The following GRB10 variants were observed in gnomAD, a reference collection of about 807,000 sequenced individuals.
GRB10 encodes growth factor receptor bound protein 10.
GRB10 carries 20 observed loss-of-function variants against 80.9 expected under a neutral mutation model. The observed-to-expected ratio is 0.25, with a 90% CI of 0.17 to 0.36. GRB10 has a LOEUF of 0.36. Ranked by LOEUF, GRB10 falls within the 10% of genes least tolerant of loss-of-function variation. GRB10 has a pLI of 1.00. For synonymous variants in GRB10, 291 were observed against 291.5 expected, an observed-to-expected ratio of 1.00 and a Z score of 0.02; for missense variants, 548 against 747.7, an observed-to-expected ratio of 0.73 and a Z score of 3.12.
At chr7:50,669,957 G>C in intron 6 of GRB10, 94 bp from the exon 7 acceptor site, 4 of 1,456,254 alleles carry the variant, frequency 2.7e-6, no homozygotes, top group Non-Finnish European at 2.8e-6. Context: ...GCAGGACACA[G>C]GGCTTCTAGG....
intron 7 of GRB10, among the ~76,000 whole-genome samples, chr7:50,665,948 T>C (rs75675767): frequency 6.6e-6 from 1 of 152,128 alleles, no homozygotes; most frequent in African/African-American, 2.4e-5. Context: ...GCAAGCCCCA[T>C]GGGTACCCTT....
chr7:50,744,741 T>C (rs529959155), intron 3 of GRB10, among the ~76,000 whole-genome samples: 3 of 152,308 alleles, frequency 2.0e-5, no homozygotes, highest in South Asian at 4.1e-4. Flanking sequence ...GCTTCTCACA[T>C]GGAGATGATT....
At chr7:50,648,518 G>A (rs934471226) in intron 7 of GRB10, among the ~76,000 whole-genome samples, 2 of 152,160 alleles carry the variant, frequency 1.3e-5, no homozygotes, top group African/African-American at 2.4e-5. Context: ...GCAGAGCCTC[G>A]ACCCAAGGCG....
rs376118530 is a variant in GRB10 at position 50,729,049 on chromosome 7, C to T, written c.51+3223G>A. The stretch of plus-strand genomic sequence containing the variant: ...AGAAGAGTAGGTTCCCCGCCTGAAG[C>T]TTCAGGGACACAGCACTGAAATGGA... On this transcript the variant is annotated intron_variant, in intron 4 of 18. Transcript: ENST00000401949. Among the ~76,000 whole-genome samples, 206 of 152,278 alleles carry T rather than the reference C, an allele frequency of 1.4e-3. 6 individuals are homozygous for T. In the South Asian group the frequency reaches 0.038, roughly 28 times the overall value.
rs142081713 is a variant in GRB10 at position 50,612,648 on chromosome 7, C to T, written c.1194+93G>A. ...TTGTGACAGAACAGCGGAAAAGTTA[C>T]GAGCATTTTCCTGCCAGAATAGACA... On this transcript the variant is annotated intron_variant, in intron 13 of 18. Coordinates refer to ENST00000401949, the MANE Select transcript of GRB10 (RefSeq NM_001350814.2). The T allele has an allele frequency of 9.0e-4, 722 of 803,636 alleles. 3 individuals carry two copies. Among genetic ancestry groups the T allele is most frequent in the Non-Finnish European group, 1.5e-3 (675 of 459,830 alleles). The allele number at this position is 803,636 out of a possible 1,614,324, so 49.8% of individuals were successfully genotyped here.
At chr7:50,740,969 T>G (rs960463892) in intron 3 of GRB10, among the ~76,000 whole-genome samples, 1 of 152,150 alleles carries the variant, frequency 6.6e-6, no homozygotes, top group Admixed American at 6.5e-5. Context: ...AAGTGTCACT[T>G]AAAGCAAAGA....
intron 6 of GRB10, among the ~76,000 whole-genome samples, chr7:50,673,782 A>G (rs2060606562): frequency 6.6e-6 from 1 of 152,160 alleles, no homozygotes; most frequent in African/African-American, 2.4e-5. Flanking sequence ...CTCCTGAAAA[A>G]GGCACACAAA....
At chr7:50,689,716 G>A (rs1209108912) in intron 5 of GRB10, among the ~76,000 whole-genome samples, 1 of 152,090 alleles carries the variant, frequency 6.6e-6, no homozygotes, top group African/African-American at 2.4e-5. Flanking sequence ...ATTCATAGTG[G>A]GGAATATAAT....
chr7:50,593,296 G>A (rs1230793629), intron 18 of GRB10, among the ~76,000 whole-genome samples, 198 bp from the exon 19 acceptor site: 3 of 152,162 alleles, frequency 2.0e-5, no homozygotes, highest in Admixed American at 6.5e-5. Context: ...GTCCCTGAGC[G>A]AGGGACAGAC....
At chr7:50,595,616 C>A (rs2046510154) in intron 17 of GRB10, 86 bp from the exon 18 acceptor site, 15 of 757,916 alleles carry the variant, frequency 2.0e-5, no homozygotes, top group Non-Finnish European at 3.6e-5. Context: ...CACACACACA[C>A]ACACACACAC....
chr7:50,667,954 G>A (rs2059978707), intron 7 of GRB10, among the ~76,000 whole-genome samples: 1 of 152,186 alleles, frequency 6.6e-6, no homozygotes, highest in Admixed American at 6.5e-5. Flanking sequence ...TTTTAGAATG[G>A]GTAGCTCTGT....
At chr7:50,725,537 A>T (rs2068504713) in intron 4 of GRB10, among the ~76,000 whole-genome samples, 1 of 152,230 alleles carries the variant, frequency 6.6e-6, no homozygotes, top group Non-Finnish European at 1.5e-5. Context: ...ACTTTACAAC[A>T]GAAAAGGCAA....
intron 7 of GRB10, among the ~76,000 whole-genome samples, chr7:50,631,867 A>G (rs143290294): frequency 0.011 from 1,650 of 152,280 alleles, 32 homozygotes; most frequent in African/African-American, 0.038. Flanking sequence ...GCCCGATGTC[A>G]CAGAGGTGGA....
At chr7:50,775,681 T>G (rs2077555891) in intron 2 of GRB10, among the ~76,000 whole-genome samples, 1 of 152,210 alleles carries the variant, frequency 6.6e-6, no homozygotes, top group Admixed American at 6.5e-5. Context: ...AGACCTATCC[T>G]GCAGCAATTC....
At chr7:50,760,548 C>A (rs1415314236) in intron 2 of GRB10, among the ~76,000 whole-genome samples, 4 of 151,830 alleles carry the variant, frequency 2.6e-5, no homozygotes, top group African/African-American at 9.7e-5. Context: ...CTAAAACTAA[C>A]AAAATAAAAT....
upstream of GRB10, among the ~76,000 whole-genome samples, chr7:50,785,893 T>C (rs1277773479): frequency 6.6e-6 from 1 of 152,176 alleles, no homozygotes; most frequent in Non-Finnish European, 1.5e-5. Context: ...AATAAGAATA[T>C]TATGCCATTA....
chr7:50,603,168 G>T (rs2047914636), intron 17 of GRB10, among the ~76,000 whole-genome samples: 1 of 152,246 alleles, frequency 6.6e-6, no homozygotes, highest in Non-Finnish European at 1.5e-5. Flanking sequence ...CCACATGGAT[G>T]TAACTACTTC....
rs540680936 is a variant in GRB10, at chr7:50,633,947, TAA to T, written c.505-6971_505-6970del. 3.9e-3 allele frequency among the ~76,000 whole-genome samples: 601 copies of T among 152,232 alleles called. 5 individuals carry two copies. Among genetic ancestry groups the T allele is most frequent in the African/African-American group, 0.014 (579 of 41,542 alleles). Reference sequence around the variant, plus strand: ...TATTCCTGAGGGAGAAGAAAAAAAATAAGTTTGGAAACATATTTAAGGGAAAT... The same window carrying T: ...TATTCCTGAGGGAGAAGAAAAAAAATGTTTGGAAACATATTTAAGGGAAAT... On this transcript the variant is annotated intron_variant, in intron 7 of 18. Transcript: ENST00000401949.
chr7:50,618,056 A>G lies in GRB10; in HGVS notation c.846+15T>C. 6.3e-7 allele frequency: 1 copy of G among 1,599,184 alleles called. No individual in the cohort carries two copies. Among genetic ancestry groups the G allele is most frequent in the Non-Finnish European group, 8.6e-7 (1 of 1,166,298 alleles). ...AGAAAGTCTATTTCAGCAGAGATCTATTGTGGCCCAGTACCTGCAAAAGCT... is the reference window on the plus strand; with the variant it reads ...AGAAAGTCTATTTCAGCAGAGATCTGTTGTGGCCCAGTACCTGCAAAAGCT... On this transcript the variant is annotated intron_variant, in intron 10 of 18. Transcript: ENST00000401949.
Sources: allele counts gnomAD v4.1 joint callset (sites outside exome capture counted in the v4.1 genomes callset), GRCh38; gene constraint gnomAD v4.1.1; transcripts MANE v1.5; gene names NCBI Gene and HGNC (gene_info 2026-07-23, HGNC 2026-07-21).